The following RGS7 variants were observed in gnomAD, a reference collection of about 807,000 sequenced individuals.
The protein encoded by RGS7 is regulator of G-protein signaling 7.
In RGS7, 27 loss-of-function variants were observed where a neutral mutation model predicts 81.1. The ratio of observed to expected loss-of-function variants is 0.33; its 90% CI spans 0.25 to 0.46. The LOEUF is 0.46. RGS7 is among the 20% of genes least tolerant of loss of function. RGS7 has a pLI of 1.00. For synonymous variants in RGS7, 208 were observed against 207.7 expected, an observed-to-expected ratio of 1.00 and a Z score of -0.01; for missense variants, 396 against 607.4, an observed-to-expected ratio of 0.65 and a Z score of 3.66.
At chr1:241,080,167 A>G (rs969413670) in intron 3 of RGS7, among the ~76,000 whole-genome samples, 4 of 152,118 alleles carry the variant, frequency 2.6e-5, no homozygotes, top group African/African-American at 4.8e-5. Context: ...ACAAAAATTA[A>G]TATCAATAGA....
chr1:241,074,108 C>T (rs1482091215), intron 3 of RGS7, among the ~76,000 whole-genome samples: 1 of 152,062 alleles, frequency 6.6e-6, no homozygotes, highest in Non-Finnish European at 1.5e-5. Flanking sequence ...GCCATGTTGG[C>T]CAGGCTGGCA....
At chr1:241,273,056 T>A (rs1162935572) in intron 2 of RGS7, among the ~76,000 whole-genome samples, 1 of 152,182 alleles carries the variant, frequency 6.6e-6, no homozygotes, top group East Asian at 1.9e-4. Flanking sequence ...TTCCTTGGTC[T>A]GCTTCTGTTG....
chr1:241,038,609 A>G (rs1444624780), intron 3 of RGS7, among the ~76,000 whole-genome samples: 1 of 152,210 alleles, frequency 6.6e-6, no homozygotes, highest in Non-Finnish European at 1.5e-5. Context: ...AAAATCCCTG[A>G]GCCTGGATTT....
chr1:241,016,407 A>G (rs1222639989), intron 3 of RGS7, among the ~76,000 whole-genome samples: 1 of 152,082 alleles, frequency 6.6e-6, no homozygotes, highest in African/African-American at 2.4e-5. Context: ...AGTCTCAGCT[A>G]TTTGGGAGGC....
chr1:241,090,209 G>A (rs2063789733), intron 3 of RGS7, among the ~76,000 whole-genome samples: 1 of 152,092 alleles, frequency 6.6e-6, no homozygotes, highest in South Asian at 2.1e-4. Flanking sequence ...AGATAGTTCA[G>A]GTAAGCGGAG....
At chr1:241,314,092 A>G (rs1209530429) in intron 2 of RGS7, among the ~76,000 whole-genome samples, 17 of 152,236 alleles carry the variant, frequency 1.1e-4, no homozygotes, top group Admixed American at 1.1e-3. Flanking sequence ...TGAAATGACA[A>G]GAAAGGATTT....
At chr1:240,875,830 T>A (rs1333921028) in intron 6 of RGS7, among the ~76,000 whole-genome samples, 2 of 152,200 alleles carry the variant, frequency 1.3e-5, no homozygotes, top group Non-Finnish European at 2.9e-5. Flanking sequence ...CATTTGTAGG[T>A]CTTCTTTTGA....
chr1:241,295,543 A>G (rs1321366774), intron 2 of RGS7, among the ~76,000 whole-genome samples: 2 of 152,232 alleles, frequency 1.3e-5, no homozygotes, highest in Non-Finnish European at 2.9e-5. Context: ...CAAAGGTGAA[A>G]TGTCCCAAAA....
intron 4 of RGS7, among the ~76,000 whole-genome samples, chr1:240,949,925 C>G (rs1679282227): frequency 6.6e-6 from 1 of 151,158 alleles, no homozygotes; most frequent in Non-Finnish European, 1.5e-5. Flanking sequence ...AGCTGTCACT[C>G]TCATCCTTTC....
chr1:241,093,820 T>C (rs925632754), intron 3 of RGS7, among the ~76,000 whole-genome samples: 3 of 151,762 alleles, frequency 2.0e-5, no homozygotes, highest in African/African-American at 7.3e-5. Flanking sequence ...TTATAACATT[T>C]TTCATGTACA....
chr1:241,086,189 G>C (rs943186057), intron 3 of RGS7, among the ~76,000 whole-genome samples: 2 of 152,144 alleles, frequency 1.3e-5, no homozygotes, highest in Non-Finnish European at 2.9e-5. Flanking sequence ...ACAGTTTCCA[G>C]GGCATCTCAT....
intron 2 of RGS7, among the ~76,000 whole-genome samples, chr1:241,265,076 T>C (rs115455325): frequency 1.1e-4 from 17 of 152,266 alleles, no homozygotes; most frequent in Non-Finnish European, 2.2e-4. Flanking sequence ...AGTCACATTC[T>C]CCCATGGAAC....
At chr1:241,160,110 C>CAAAA (rs369734662) in intron 2 of RGS7, among the ~76,000 whole-genome samples, 3 of 56,126 alleles carry the variant, frequency 5.3e-5, no homozygotes, top group Admixed American at 2.1e-4. Context: ...GACTCCATCT[C>CAAAA]AAAAAAAAAA....
At position 241,147,780 on chromosome 1, in the gene RGS7, T is replaced by TTTTATA. The variant is rs1428939736; in HGVS notation, c.79-49019_79-49018insTATAAA. Reference sequence around the variant, plus strand: ...TTAAATATCCCATCTAGATTAAGTTTTATATATATATATATATATATATAT... The same window carrying TTTTATA: ...TTAAATATCCCATCTAGATTAAGTTTTTTATATATATATATATATATATATATATAT... On this transcript the variant is annotated intron_variant, in intron 2 of 18. Transcript: ENST00000440928. 1.6e-3 allele frequency among the ~76,000 whole-genome samples: 73 copies of TTTTATA among 44,646 alleles called. 1 individual carries two copies. Among genetic ancestry groups the TTTTATA allele is most frequent in the South Asian group, 2.4e-3 (2 of 822 alleles). 29.3% of individuals were successfully genotyped at this position (44,646 alleles called of 152,430 possible).
Position 240,816,338 on chromosome 1 carries a change from T to C in RGS7, c.762A>G (p.Thr254=). The change falls in exon 11 of 19, where the codon ACA becomes ACG. Residue 254 remains threonine (T), a synonymous_variant. Coordinates refer to ENST00000440928, the MANE Select transcript of RGS7 (RefSeq NM_001364886.1). ...TCACCTGTTGTTGTAACTCATCTTC[T>C]GTTGGAGGTTTAGTTTCTGGTGTGG... ...HTPTPETKPP[T]EDELQQQIKY... is the part of the protein sequence containing the mutation. 6.2e-7 allele frequency: 1 copy of C among 1,611,180 alleles called. No homozygotes were observed. The highest frequency in any genetic ancestry group is 1.3e-5 in the African/African-American group (1 of 74,980).
At chr1:241,216,702 G>T (rs577433648) in intron 2 of RGS7, among the ~76,000 whole-genome samples, 1 of 152,252 alleles carries the variant, frequency 6.6e-6, no homozygotes, top group African/African-American at 2.4e-5. Context: ...GAATGAGTTT[G>T]TGGCCCAAAC....
intron 2 of RGS7, among the ~76,000 whole-genome samples, chr1:241,314,629 T>C (rs2080755110): frequency 6.6e-6 from 1 of 152,172 alleles, no homozygotes; most frequent in African/African-American, 2.4e-5. Flanking sequence ...AAATTATATA[T>C]AATGTTAGAA....
intron 4 of RGS7, among the ~76,000 whole-genome samples, chr1:240,952,117 T>C (rs1679663556): frequency 6.6e-6 from 1 of 152,060 alleles, no homozygotes; most frequent in Non-Finnish European, 1.5e-5. Flanking sequence ...GGGCTTGCCT[T>C]GCCAGAAAGG....
intron 2 of RGS7, among the ~76,000 whole-genome samples, chr1:241,348,836 T>A (rs2148729809): frequency 6.6e-6 from 1 of 152,286 alleles, no homozygotes; most frequent in African/African-American, 2.4e-5. Context: ...AAAATGGTAT[T>A]ACCAATGCAT....
Sources: gnomAD v4.1 joint callset for allele counts (sites outside exome capture counted in the v4.1 genomes callset) on GRCh38, gnomAD v4.1.1 for gene constraint, MANE v1.5 for transcripts, NCBI Gene and HGNC (gene_info 2026-07-23, HGNC 2026-07-21) for gene names.